Variants in HDAC9 observed in about 807,000 individuals in gnomAD.
HDAC9 encodes the protein MEF-2 interacting transcription repressor (MITR) protein.
HDAC9 carries 41 observed loss-of-function variants against 139.4 expected under a neutral mutation model. The observed-to-expected ratio is 0.29, with a 90% CI of 0.23 to 0.38. The LOEUF (loss-of-function observed/expected upper bound fraction) is 0.38. HDAC9 is among the 10% of genes least tolerant of loss of function. The pLI is 1.00. For synonymous variants in HDAC9, 517 were observed against 476.2 expected, an observed-to-expected ratio of 1.09 and a Z score of -1.12; for missense variants, 1,147 against 1,297.0, an observed-to-expected ratio of 0.88 and a Z score of 1.78.
At chr7:18,519,913 A>G (rs1337990100) in intron 2 of HDAC9, among the ~76,000 whole-genome samples, 1 of 152,174 alleles carries the variant, frequency 6.6e-6, no homozygotes, top group Non-Finnish European at 1.5e-5. Context: ...ATGTCTGAAG[A>G]TATTAACATA....
intron 2 of HDAC9, among the ~76,000 whole-genome samples, chr7:18,575,138 A>C (rs914785841): frequency 1.3e-5 from 2 of 152,136 alleles, no homozygotes; most frequent in African/African-American, 4.8e-5. Context: ...AAACTTCTTA[A>C]TTTACTTTTC....
chr7:18,244,437 C>A (rs916968039), intron 2 of HDAC9, among the ~76,000 whole-genome samples: 3 of 152,170 alleles, frequency 2.0e-5, no homozygotes, highest in Non-Finnish European at 4.4e-5. Context: ...ATGGAAGGGA[C>A]TGTAATTATA....
rs908700048 is a variant in HDAC9, at chr7:18,244,695, G to A, written c.25+82346G>A. Among the ~76,000 whole-genome samples the A allele has an allele frequency of 6.6e-4, 100 of 152,246 alleles. 1 individual carries two copies. The highest frequency in any genetic ancestry group is 8.7e-4 in the Non-Finnish European group (59 of 68,014). On this transcript the variant is annotated intron_variant, in intron 2 of 12. Transcript: ENST00000417496. ...CGCCTGTAGTCCCAGCTACTCGGGA[G>A]CCTGAGGCGGGAGAATGGCGTGAAC...
chr7:18,771,826 C>G (rs967553279), intron 16 of HDAC9, among the ~76,000 whole-genome samples: 1 of 152,016 alleles, frequency 6.6e-6, no homozygotes, highest in Admixed American at 6.6e-5. Context: ...CTCAATGCGA[C>G]AAAAGCTTGG....
chr7:18,531,544 A>C (rs1296169340), intron 2 of HDAC9, among the ~76,000 whole-genome samples: 1 of 152,180 alleles, frequency 6.6e-6, no homozygotes, highest in Non-Finnish European at 1.5e-5. Context: ...AAAAATATAA[A>C]AAGTCATTTT....
rs141222656 is a variant in HDAC9, at chr7:18,744,477, G to A, written c.1910-4528G>A. On this transcript the variant is annotated intron_variant, in intron 13 of 25. Coordinates refer to ENST00000686413, the MANE Select transcript of HDAC9 (RefSeq NM_178425.4). ...GAAGGAGTTTAATAAGTGTTGTTTA[G>A]CAAACACCTTGGGAGGTGTGAAACC... Among the ~76,000 whole-genome samples the A allele has an allele frequency of 3.9e-3, 599 of 152,228 alleles. 3 individuals carry two copies. The highest frequency in any genetic ancestry group is 0.014 in the African/African-American group (566 of 41,542).
intron 2 of HDAC9, among the ~76,000 whole-genome samples, chr7:18,514,988 C>G (rs757786366): frequency 6.6e-6 from 1 of 152,040 alleles, no homozygotes; most frequent in East Asian, 1.9e-4. Context: ...TAATTTTCTT[C>G]GTTAAACTAG....
At chr7:18,667,535 T>C in intron 12 of HDAC9, 1 of 985,280 alleles carries the variant, frequency 1.0e-6, no homozygotes, top group Non-Finnish European at 1.2e-6. Context: ...TTTGATGCTA[T>C]AAAATACAAA....
chr7:18,967,185 C>T (rs1321602979), intron 24 of HDAC9, among the ~76,000 whole-genome samples: 2 of 151,948 alleles, frequency 1.3e-5, no homozygotes, highest in African/African-American at 2.4e-5. Flanking sequence ...AAACTAAAAC[C>T]AAAAGGAACA....
At position 18,477,515 on chromosome 7, in the gene HDAC9, G is replaced by A. The variant is rs143459171; in HGVS notation, c.-41-18747G>A. 2.8e-3 allele frequency among the ~76,000 whole-genome samples: 423 copies of A among 152,198 alleles called. 1 individual carries two copies. The highest frequency in any genetic ancestry group is 9.5e-3 in the African/African-American group (395 of 41,512). On this transcript the variant is annotated intron_variant, in intron 1 of 3. Transcript: ENST00000413509. ...AGATGGAGATAGTTATTAAATTAAG[G>A]CCAAATTGTTTCCATATGGTGAAAA...
intron 1 of HDAC9, among the ~76,000 whole-genome samples, chr7:18,358,047 G>T (rs532489573): frequency 1.3e-5 from 2 of 152,220 alleles, no homozygotes; most frequent in African/African-American, 4.8e-5. Context: ...GGTGTAGCTG[G>T]GTGTGGTGGT....
At chr7:18,219,797 T>G (rs1459245174) in intron 2 of HDAC9, among the ~76,000 whole-genome samples, 3 of 152,232 alleles carry the variant, frequency 2.0e-5, no homozygotes, top group Non-Finnish European at 4.4e-5. Context: ...AATAATTGGT[T>G]TTAAATTTGA....
intron 11 of HDAC9, among the ~76,000 whole-genome samples, chr7:18,657,111 C>T (rs190854279): frequency 3.9e-4 from 60 of 152,096 alleles, no homozygotes; most frequent in African/African-American, 1.4e-3. Context: ...ATCTTTTGTC[C>T]GTTTTAAAAT....
At chr7:18,482,289 A>G (rs954685361) in intron 1 of HDAC9, among the ~76,000 whole-genome samples, 1 of 146,482 alleles carries the variant, frequency 6.8e-6, no homozygotes, top group Non-Finnish European at 1.5e-5. Flanking sequence ...TGTACCTGCA[A>G]TTTCAGCTGC....
At chr7:18,584,250 C>A (rs1168387075) in intron 2 of HDAC9, among the ~76,000 whole-genome samples, 2 of 147,922 alleles carry the variant, frequency 1.4e-5, no homozygotes, top group Admixed American at 1.4e-4. Flanking sequence ...ACGCCATTCT[C>A]CTGCCTCAGC....
chr7:18,395,000 T>A (rs1786888078), intron 1 of HDAC9: 1 of 152,182 alleles, frequency 6.6e-6, no homozygotes, highest in Non-Finnish European at 1.5e-5. Flanking sequence ...GTATTCTGAC[T>A]CAATATGATG....
At chr7:18,282,614 T>A (rs1797172018) in intron 2 of HDAC9, among the ~76,000 whole-genome samples, 1 of 152,148 alleles carries the variant, frequency 6.6e-6, no homozygotes. Context: ...CTCACTTGGA[T>A]TATGTGTAAT....
At chr7:18,117,731 G>C (rs1784097353) in intron 1 of HDAC9, among the ~76,000 whole-genome samples, 1 of 152,176 alleles carries the variant, frequency 6.6e-6, no homozygotes, top group Non-Finnish European at 1.5e-5. Context: ...CTGACACCTT[G>C]ATTTCAGACT....
At chr7:18,186,479 A>C (rs898190212) in intron 2 of HDAC9, among the ~76,000 whole-genome samples, 2 of 152,200 alleles carry the variant, frequency 1.3e-5, no homozygotes, top group Admixed American at 1.3e-4. Context: ...TGACACTCAA[A>C]AATTCCCAAA....
Sources: gnomAD v4.1 joint callset for allele counts (sites outside exome capture counted in the v4.1 genomes callset) on GRCh38, gnomAD v4.1.1 for gene constraint, MANE v1.5 for transcripts, NCBI Gene and HGNC (gene_info 2026-07-23, HGNC 2026-07-21) for gene names.